The following CFAP95 variants were observed in gnomAD, a reference collection of about 807,000 sequenced individuals.
CFAP95 encodes the protein cilia- and flagella-associated protein 95.
the CFAP95 span, among the ~76,000 whole-genome samples, chr9:69,864,356 T>A: frequency 6.6e-6 from 1 of 151,910 alleles, no homozygotes; most frequent in African/African-American, 2.4e-5. Flanking sequence ...GGTGTTTGCT[T>A]TTTTCAGAAA....
At chr9:69,868,386 T>C in the CFAP95 span, among the ~76,000 whole-genome samples, 5 of 151,824 alleles carry the variant, frequency 3.3e-5, no homozygotes, top group Admixed American at 3.3e-4. Flanking sequence ...GAAACAAAAA[T>C]GAGGCTGGGT....
chr9:69,842,198 C>T, the CFAP95 span, among the ~76,000 whole-genome samples: 17 of 152,138 alleles, frequency 1.1e-4, 1 homozygote, highest in Admixed American at 1.1e-3. Flanking sequence ...GAGAGTGGCA[C>T]CCTTGTGGCA....
the CFAP95 span, among the ~76,000 whole-genome samples, chr9:69,902,767 T>C: frequency 6.6e-6 from 1 of 152,132 alleles, no homozygotes; most frequent in Non-Finnish European, 1.5e-5. Flanking sequence ...TTATACCCTC[T>C]AGGTTTCTAG....
At chr9:69,905,333 G>A in the CFAP95 span, among the ~76,000 whole-genome samples, 23 of 152,270 alleles carry the variant, frequency 1.5e-4, no homozygotes, top group Admixed American at 1.4e-3. Context: ...TTCCATGTCT[G>A]CCATTACCCT....
chr9:69,886,842 G>A, the CFAP95 span: 1 of 1,612,294 alleles, frequency 6.2e-7, no homozygotes, highest in Non-Finnish European at 8.5e-7. Flanking sequence ...TCTTAGGTGT[G>A]CATTGACAAC....
chr9:69,882,349 T>A, the CFAP95 span, among the ~76,000 whole-genome samples: 4 of 152,182 alleles, frequency 2.6e-5, no homozygotes, highest in Non-Finnish European at 5.9e-5. Context: ...GTTTCTTTGG[T>A]GGTCTTTAGG....
chr9:69,828,016 C>CAGA, the CFAP95 span, among the ~76,000 whole-genome samples: 1 of 152,186 alleles, frequency 6.6e-6, no homozygotes, highest in African/African-American at 2.4e-5. Context: ...AAGTGTTCTT[C>CAGA]AGAAGATAAA....
the CFAP95 span, among the ~76,000 whole-genome samples, chr9:69,861,085 C>T: frequency 2.0e-5 from 3 of 152,168 alleles, no homozygotes; most frequent in Non-Finnish European, 1.5e-5. Context: ...ATATACTGTA[C>T]ATAATTGTAT....
the CFAP95 span, among the ~76,000 whole-genome samples, chr9:69,876,022 T>C: frequency 2.6e-5 from 4 of 152,196 alleles, no homozygotes; most frequent in South Asian, 2.1e-4. Flanking sequence ...CAATAACATT[T>C]TTTAAAAAAG....
chr9:69,882,894 C>T, the CFAP95 span, among the ~76,000 whole-genome samples: 1 of 152,116 alleles, frequency 6.6e-6, no homozygotes, highest in Non-Finnish European at 1.5e-5. Flanking sequence ...ATTAGAGATA[C>T]TGGCCTGTAG....
the CFAP95 span, chr9:69,858,071 G>C: frequency 1.7e-6 from 2 of 1,193,180 alleles, no homozygotes; most frequent in Admixed American, 1.7e-5. Flanking sequence ...GTGAGCCAAG[G>C]TCAACAAAAT....
the CFAP95 span, among the ~76,000 whole-genome samples, chr9:69,837,914 T>C: frequency 6.6e-6 from 1 of 152,174 alleles, no homozygotes; most frequent in Admixed American, 6.5e-5. Context: ...TTGTATAAGG[T>C]GTAAGGAAGG....
chr9:69,821,081 A>AG, the CFAP95 span: 7 of 1,594,456 alleles, frequency 4.4e-6, no homozygotes, highest in Middle Eastern at 1.7e-4. Context: ...GAGGAAAGAG[A>AG]GGGGAAAGGA....
At chr9:69,856,456 C>T in the CFAP95 span, 4 of 605,008 alleles carry the variant, frequency 6.6e-6, no homozygotes, top group East Asian at 1.2e-4. Context: ...CTAGAGTCAA[C>T]AATTAAAATC....
the CFAP95 span, among the ~76,000 whole-genome samples, chr9:69,850,830 C>A: frequency 2.6e-5 from 4 of 152,172 alleles, no homozygotes; most frequent in Non-Finnish European, 5.9e-5. Flanking sequence ...GCATTCTCTC[C>A]TGGAACAACT....
chr9:69,838,224 T>C, the CFAP95 span, among the ~76,000 whole-genome samples: 1 of 152,200 alleles, frequency 6.6e-6, no homozygotes, highest in Non-Finnish European at 1.5e-5. Flanking sequence ...GGCTCTTTTT[T>C]GGTTCCATAT....
the CFAP95 span, among the ~76,000 whole-genome samples, chr9:69,889,209 T>C: frequency 6.6e-6 from 1 of 152,226 alleles, no homozygotes. Flanking sequence ...TTGTAAATAC[T>C]AACAAAAGGT....
chr9:69,902,254 G>T, the CFAP95 span: 1 of 439,604 alleles, frequency 2.3e-6, no homozygotes, highest in Admixed American at 2.6e-5. Flanking sequence ...TCTCTTGACA[G>T]GTTCTTCCCT....
chr9:69,899,817 C>A, the CFAP95 span, among the ~76,000 whole-genome samples: 3 of 152,336 alleles, frequency 2.0e-5, no homozygotes, highest in East Asian at 3.9e-4. Context: ...CAGCAGACAG[C>A]ATGGCACAAC....
Sources: gnomAD v4.1 joint callset for allele counts (sites outside exome capture counted in the v4.1 genomes callset) on GRCh38, gnomAD v4.1.1 for gene constraint, MANE v1.5 for transcripts, NCBI Gene and HGNC (gene_info 2026-07-23, HGNC 2026-07-21) for gene names.